The following PDZD2 variants were observed in gnomAD, a reference collection of about 807,000 sequenced individuals.
The protein encoded by PDZD2 is PDZ domain-containing protein 2.
Under a neutral mutation model 220.7 loss-of-function variants are expected in PDZD2, and 90 were observed. The observed-to-expected ratio is 0.41, with a 90% CI of 0.34 to 0.49. The LOEUF (loss-of-function observed/expected upper bound fraction) is 0.49. Ranked by LOEUF, PDZD2 falls within the 20% of genes least tolerant of loss-of-function variation. The pLI is 0.28. For synonymous variants in PDZD2, 1,375 were observed against 1,450.5 expected (o/e 0.95, Z 1.18); for missense variants, 3,174 against 3,608.5 (o/e 0.88, Z 3.08).
intron 2 of PDZD2, among the ~76,000 whole-genome samples, chr5:31,805,173 G>A (rs1303785503): frequency 1.3e-5 from 2 of 152,168 alleles, no homozygotes; most frequent in Admixed American, 6.6e-5. Flanking sequence ...ACTCCAGCCT[G>A]GGCAACAGAG....
chr5:31,882,936 A>T (rs1047191123), intron 2 of PDZD2, among the ~76,000 whole-genome samples: 1 of 148,044 alleles, frequency 6.8e-6, no homozygotes, highest in Non-Finnish European at 1.5e-5. Context: ...AGGCTGAGGC[A>T]CGAGAATCGC....
intron 6 of PDZD2, among the ~76,000 whole-genome samples, chr5:32,028,687 T>G (rs112512923): frequency 0.46 from 63,204 of 138,280 alleles, 13,790 homozygotes; most frequent in Non-Finnish European, 0.54. Flanking sequence ...TTTTTTTGTT[T>G]TTTTTTTTTT....
intron 6 of PDZD2, among the ~76,000 whole-genome samples, chr5:32,013,417 C>A (rs1753486474): frequency 6.6e-6 from 1 of 150,394 alleles, no homozygotes; most frequent in Non-Finnish European, 1.5e-5. Flanking sequence ...GTAATTTACA[C>A]TTGTAGGATA....
At chr5:31,674,179 T>C (rs1746319124) in intron 1 of PDZD2, among the ~76,000 whole-genome samples, 1 of 152,174 alleles carries the variant, frequency 6.6e-6, no homozygotes, top group Non-Finnish European at 1.5e-5. Flanking sequence ...CCAAGTGGAC[T>C]AAGCCAGTCA....
chr5:31,711,587 T>C (rs1187583911), intron 1 of PDZD2, among the ~76,000 whole-genome samples: 1 of 152,194 alleles, frequency 6.6e-6, no homozygotes, highest in East Asian at 1.9e-4. Flanking sequence ...TCCTGAACTG[T>C]GACTCAGGGT....
chr5:31,922,492 G>A (rs976649566), intron 2 of PDZD2, among the ~76,000 whole-genome samples: 2 of 151,998 alleles, frequency 1.3e-5, no homozygotes, highest in East Asian at 3.9e-4. Flanking sequence ...TTTGAGATCT[G>A]GAAATTACAC....
At position 32,101,115 on chromosome 5, in the gene PDZD2, G is replaced by A; in HGVS notation, c.8229G>A (p.Val2743=). 1 of 1,614,156 alleles carries A rather than the reference G, an allele frequency of 6.2e-7. No individual in the cohort carries two copies. The highest frequency in any genetic ancestry group is 1.1e-5 in the South Asian group (1 of 91,080). The change falls in exon 24 of 25, where the codon GTG becomes GTA. Residue 2743 remains valine (V), a synonymous_variant. Coordinates refer to ENST00000438447, the MANE Select transcript of PDZD2 (RefSeq NM_178140.4). ...IPLEPGIGRS[V]AVHDALCVEV... is the part of the protein sequence containing the mutation. ...ACGCTGCGGCTGCAGGGAGAAGTGT[G>A]GCTGTACACGATGCTCTGTGTGTTG...
chr5:31,772,408 G>A (rs10035843), intron 1 of PDZD2, among the ~76,000 whole-genome samples: 4,426 of 152,282 alleles, frequency 0.029, 209 homozygotes, highest in African/African-American at 0.098. Context: ...AGCAGTAGGG[G>A]CTACCTGCAT....
rs562582738 is a variant in PDZD2 at position 32,087,329 on chromosome 5, A to G, written c.3881A>G (p.Glu1294Gly). 1.2e-6 allele frequency: 2 copies of G among 1,613,948 alleles called. No homozygotes were observed. The highest frequency in any genetic ancestry group is 1.7e-6 in the Non-Finnish European group (2 of 1,179,962). The change falls in exon 20 of 25, where the codon GAG becomes GGG. Residue 1294 changes from glutamate (E) to glycine (G), a missense_variant. By Grantham distance (98) the Glu-to-Gly change is moderately conservative (BLOSUM62 -2). Transcript: ENST00000438447. The surrounding 1 kb of genome is among the most constrained non-coding windows in gnomAD (Gnocchi z 4.0). ...CATGAGGGCAGCCCCTCCCCGGGGG[A>G]GAAAGCAGCGGCTCCCCCTGACTAC... ...LPHEGSPSPG[E>G]KAAAPPDYSK...
rs556048029 is a variant in PDZD2 at position 32,061,004 on chromosome 5, G to A, written c.2321G>A (p.Arg774His). The A allele has an allele frequency of 6.2e-7, 1 of 1,614,096 alleles. No homozygotes were observed. The highest frequency in any genetic ancestry group is 8.5e-7 in the Non-Finnish European group (1 of 1,179,984). Residue 774 changes from arginine to histidine, a missense_variant and splice_region_variant, in exon 14 of 25, where the codon CGC becomes CAC. This residue lies in a region of PDZD2 where 1,861 missense variants were observed against 2,001.0 expected (regional missense o/e 0.93). Coordinates refer to ENST00000438447, the MANE Select transcript of PDZD2 (RefSeq NM_178140.4). ...SVAKMESNLS[R>H]GDQILEVNSV... The stretch of plus-strand genomic sequence containing the variant: ...GTGGATTCTGTTGCCCTCCCTAGCC[G>A]CGGGGATCAAATCCTGGAAGTGAAC...
At chr5:31,724,431 G>A (rs1308901379) in intron 1 of PDZD2, among the ~76,000 whole-genome samples, 1 of 151,776 alleles carries the variant, frequency 6.6e-6, no homozygotes, top group Non-Finnish European at 1.5e-5. Context: ...GAGAAACCCC[G>A]TCTCTACTAA....
chr5:32,059,179 A>AT (rs1739433531), intron 12 of PDZD2, 60 bp from the exon 13 acceptor site: 2 of 882,030 alleles, frequency 2.3e-6, no homozygotes, highest in South Asian at 2.8e-5. Context: ...TCAGTTACAC[A>AT]TTTTTTCTAG....
chr5:31,938,257 T>C (rs1471391990), intron 2 of PDZD2, among the ~76,000 whole-genome samples: 1 of 152,210 alleles, frequency 6.6e-6, no homozygotes, highest in Non-Finnish European at 1.5e-5. Flanking sequence ...GTGAATAATG[T>C]GATCAGTGGG....
At chr5:32,066,024 A>AAAAC (rs111476225) in intron 14 of PDZD2, among the ~76,000 whole-genome samples, 25,312 of 150,576 alleles carry the variant, frequency 0.17, 2,141 homozygotes, top group Middle Eastern at 0.24. Context: ...GACTTGGTCT[A>AAAAC]AATCAATCAA....
At chr5:31,657,142 T>C (rs567834520) in intron 1 of PDZD2, 6 of 152,304 alleles carry the variant, frequency 3.9e-5, no homozygotes, top group South Asian at 4.1e-4. Context: ...GAAAAGCACA[T>C]TGTGTTTTTA....
At chr5:31,904,447 T>C (rs181899170) in intron 2 of PDZD2, among the ~76,000 whole-genome samples, 158 of 152,326 alleles carry the variant, frequency 1.0e-3, no homozygotes, top group African/African-American at 3.6e-3. Context: ...GAGAAAACAA[T>C]TAATATTGCT....
In PDZD2 at chr5:31,775,972, G is replaced by A. The variant is rs568614190; in HGVS notation, c.-360-22917G>A. Among the ~76,000 whole-genome samples the A allele has an allele frequency of 2.0e-5, 3 of 152,188 alleles. No individual in the cohort carries two copies. The South Asian group carries it at 6.2e-4, about 32-fold the overall frequency. ...TGCGTTAGGTGGACATGGGGGAGGGGCAGTCCACTGTCACAGTAAGAAGGA... is the reference window on the plus strand; with the variant it reads ...TGCGTTAGGTGGACATGGGGGAGGGACAGTCCACTGTCACAGTAAGAAGGA... On this transcript the variant is annotated intron_variant, in intron 1 of 24. Transcript: ENST00000438447.
chr5:32,032,851 G>A (rs1364219474), intron 6 of PDZD2, among the ~76,000 whole-genome samples: 1 of 152,168 alleles, frequency 6.6e-6, no homozygotes, highest in Non-Finnish European at 1.5e-5. Context: ...TTGTGCCCAG[G>A]TAGCTGGCCG....
intron 6 of PDZD2, among the ~76,000 whole-genome samples, chr5:32,025,331 G>T (rs1754552022): frequency 6.6e-6 from 1 of 151,970 alleles, no homozygotes; most frequent in South Asian, 2.1e-4. Context: ...TTCAAGACCA[G>T]CCTGACCAAC....
Sources: gnomAD v4.1 joint callset for allele counts (sites outside exome capture counted in the v4.1 genomes callset) on GRCh38, gnomAD v4.1.1 for gene constraint, gnomAD v4.1.1 regional missense constraint, Gnocchi (gnomAD v3.1) non-coding constraint, MANE v1.5 for transcripts, NCBI Gene and HGNC (gene_info 2026-07-23, HGNC 2026-07-21) for gene names.